The following HIRA variants were observed in gnomAD, a reference collection of about 807,000 sequenced individuals.
The protein encoded by HIRA is histone cell cycle regulator.
Under a neutral mutation model 126.6 loss-of-function variants are expected in HIRA, and 13 were observed. The ratio of observed to expected loss-of-function variants is 0.10; its 90% CI spans 0.07 to 0.16. The LOEUF is 0.16. Among genes scored for constraint, HIRA ranks in the 10% least tolerant of loss-of-function variants. HIRA has a pLI of 1.00. For missense variants in HIRA, 834 were observed against 1,314.4 expected, an observed-to-expected ratio of 0.63 and a Z score of 5.65; for synonymous variants, 511 against 520.0, an observed-to-expected ratio of 0.98 and a Z score of 0.24.
intron 1 of HIRA, among the ~76,000 whole-genome samples, chr22:19,413,620 T>TATTTATTC (rs2089371736): frequency 6.6e-6 from 1 of 151,062 alleles, no homozygotes; most frequent in African/African-American, 2.4e-5. Context: ...TTTATTTATT[T>TATTTATTC]ATTTATTTAT....
chr22:19,430,995 G>A lies in HIRA; in HGVS notation c.37+445C>T, dbSNP rs531123405. ...TGGGGGCACTGTCCCCAGATCCAGA[G>A]GGGCAGTAACAGTCCCTCTTGCAGA... On this transcript the variant is annotated intron_variant, in intron 1 of 24. Coordinates refer to ENST00000263208, the MANE Select transcript of HIRA (RefSeq NM_003325.4). Among the ~76,000 whole-genome samples, 9 of 152,308 alleles carry A rather than the reference G, an allele frequency of 5.9e-5. No homozygotes were observed. The South Asian group carries it at 1.4e-3, about 25-fold the overall frequency.
In HIRA at chr22:19,331,181, C is replaced by G; in HGVS notation, c.*259G>C. The G allele has an allele frequency of 7.1e-7, 1 of 1,403,852 alleles. No individual in the cohort carries two copies. Among genetic ancestry groups the G allele is most frequent in the East Asian group, 3.4e-5 (1 of 29,016 alleles). The allele number at this position is 1,403,852 out of a possible 1,614,324, so 87.0% of individuals were successfully genotyped here. A position where few individuals can be genotyped will look rare whatever the true frequency, so the allele number is the denominator to read the frequency against. On this transcript the variant is annotated 3_prime_UTR_variant, in exon 25 of 25. Coordinates refer to ENST00000263208, the MANE Select transcript of HIRA (RefSeq NM_003325.4). ...TGGGACTGCCTTGCTGGCCCCAGGG[C>G]ACCTGGGCAGAGCTCCAGCCCTAGC...
chr22:19,371,038 T>A lies in HIRA; in HGVS notation c.1775+4593A>T, dbSNP rs549323455. On this transcript the variant is annotated intron_variant, in intron 15 of 24. Coordinates refer to ENST00000263208, the MANE Select transcript of HIRA (RefSeq NM_003325.4). ...TTCAGGGTATGCACTACATGAGAGA[T>A]AAGGGCCACAGAAAGCCACAAAGCA... 5.3e-5 allele frequency among the ~76,000 whole-genome samples: 8 copies of A among 152,298 alleles called. No individual in the cohort carries two copies. In the East Asian group the frequency reaches 1.2e-3, roughly 22 times the overall value.
Position 19,331,337 on chromosome 22 carries a change from T to C in HIRA, c.*103A>G. The C allele has an allele frequency of 6.3e-7, 1 of 1,599,240 alleles. No individual in the cohort carries two copies. The highest frequency in any genetic ancestry group is 8.5e-7 in the Non-Finnish European group (1 of 1,178,092). Reference sequence around the variant, plus strand: ...CAGGACAGCACATCTCCTGCCAGTGTCTCCTCCCCCTACAGCCTGGTCAGG... The same window carrying C: ...CAGGACAGCACATCTCCTGCCAGTGCCTCCTCCCCCTACAGCCTGGTCAGG... On this transcript the variant is annotated 3_prime_UTR_variant, in exon 25 of 25. Coordinates refer to ENST00000263208, the MANE Select transcript of HIRA (RefSeq NM_003325.4).
chr22:19,381,627 A>T (rs2089074227), intron 13 of HIRA, among the ~76,000 whole-genome samples: 1 of 152,060 alleles, frequency 6.6e-6, no homozygotes, highest in Non-Finnish European at 1.5e-5. Flanking sequence ...AACAAACCTC[A>T]CTTGGTCATG....
intron 11 of HIRA, among the ~76,000 whole-genome samples, chr22:19,386,558 G>C (rs2089129355): frequency 1.3e-5 from 2 of 152,370 alleles, no homozygotes; most frequent in South Asian, 2.1e-4. Flanking sequence ...TGCAGGGCTT[G>C]AATGTGGCCA....
At chr22:19,348,712 G>A (rs967372332) in intron 24 of HIRA, among the ~76,000 whole-genome samples, 5 of 151,990 alleles carry the variant, frequency 3.3e-5, no homozygotes, top group African/African-American at 9.7e-5. Flanking sequence ...GGCCAGGCTG[G>A]TCTCAAACTC....
chr22:19,387,377 GAA>G (rs757725491), intron 11 of HIRA, among the ~76,000 whole-genome samples: 8 of 152,184 alleles, frequency 5.3e-5, no homozygotes, highest in Non-Finnish European at 1.2e-4. Flanking sequence ...CCATGAAGGT[GAA>G]AGTGACATGA....
chr22:19,431,677 G>A lies in HIRA; in HGVS notation c.-201C>T, dbSNP rs2089541318. ...CCGCCACCCGCGCTCGGCCGCCGCC[G>A]CCGCCACCACAGCCGCATCCCCTGC... On this transcript the variant is annotated 5_prime_UTR_variant, in exon 1 of 25. Coordinates refer to ENST00000263208, the MANE Select transcript of HIRA (RefSeq NM_003325.4). 1 of 444,084 alleles carries A rather than the reference G, an allele frequency of 2.3e-6. No individual in the cohort carries two copies. Among genetic ancestry groups the A allele is most frequent in the Non-Finnish European group, 3.4e-6 (1 of 292,614 alleles). The allele number at this position is 444,084 out of a possible 1,614,324, so 27.5% of individuals were successfully genotyped here.
intron 24 of HIRA, among the ~76,000 whole-genome samples, chr22:19,350,076 C>G (rs781801931): frequency 8.5e-5 from 13 of 152,212 alleles, no homozygotes; most frequent in Non-Finnish European, 1.0e-4. Context: ...AAAGCTTAGC[C>G]TGGCCTTTCT....
At chr22:19,340,308 C>G (rs1424388503) in intron 24 of HIRA, among the ~76,000 whole-genome samples, 1 of 151,830 alleles carries the variant, frequency 6.6e-6, no homozygotes, top group Non-Finnish European at 1.5e-5. Flanking sequence ...AAGCATCTGA[C>G]AAAATCTAGC....
intron 12 of HIRA, among the ~76,000 whole-genome samples, chr22:19,384,292 C>A (rs942264373): frequency 5.0e-5 from 7 of 140,398 alleles, no homozygotes; most frequent in Non-Finnish European, 1.1e-4. Context: ...CCACTGCACT[C>A]CAGCCTGGTG....
Position 19,412,293 on chromosome 22 carries a change from G to A in HIRA, c.38-1515C>T, listed in dbSNP as rs115486398. On this transcript the variant is annotated intron_variant, in intron 1 of 24. Coordinates refer to ENST00000263208, the MANE Select transcript of HIRA (RefSeq NM_003325.4). ...GAATCAAGGTCACAGACACAGGCCT[G>A]GTGAGGTGTTCTATCCCCAAGCTAT... Among the ~76,000 whole-genome samples, 903 of 152,272 alleles carry A rather than the reference G, an allele frequency of 5.9e-3. 9 individuals are homozygous for A. Among genetic ancestry groups the A allele is most frequent in the African/African-American group, 0.021 (855 of 41,542 alleles).
intron 24 of HIRA, among the ~76,000 whole-genome samples, chr22:19,342,153 A>G (rs950020948): frequency 1.3e-5 from 2 of 152,360 alleles, no homozygotes; most frequent in East Asian, 3.9e-4. Context: ...ACATGAATAG[A>G]CAATTCTCAA....
At chr22:19,417,031 C>A (rs982422411) in intron 1 of HIRA, among the ~76,000 whole-genome samples, 15 of 151,724 alleles carry the variant, frequency 9.9e-5, no homozygotes, top group African/African-American at 3.4e-4. Context: ...GAAACCCCAT[C>A]TCTTCTAAAA....
At chr22:19,396,764 C>A in intron 7 of HIRA, 23 bp downstream of exon 7, 2 of 1,611,616 alleles carry the variant, frequency 1.2e-6, no homozygotes, top group Non-Finnish European at 1.7e-6. Flanking sequence ...GGGGGCTCAG[C>A]TCCCTGAGCT....
intron 24 of HIRA, among the ~76,000 whole-genome samples, chr22:19,332,117 T>C (rs553082381): frequency 3.9e-5 from 6 of 152,170 alleles, no homozygotes; most frequent in African/African-American, 9.7e-5. Context: ...GGCACCACAG[T>C]CTGAAACAAG....
At chr22:19,381,900 G>A (rs1027980350) in intron 13 of HIRA, among the ~76,000 whole-genome samples, 5 of 152,082 alleles carry the variant, frequency 3.3e-5, no homozygotes, top group Non-Finnish European at 5.9e-5. Flanking sequence ...ATCTTAGTCC[G>A]GTGGCTTTGG....
At chr22:19,361,408 G>C in intron 16 of HIRA, 67 bp from the exon 17 acceptor site, 1 of 1,395,342 alleles carries the variant, frequency 7.2e-7, no homozygotes, top group Non-Finnish European at 1.0e-6. Context: ...GTAAAGGCAG[G>C]TCACCCAGAA....
Sources: gnomAD v4.1 joint callset for allele counts (sites outside exome capture counted in the v4.1 genomes callset) on GRCh38, gnomAD v4.1.1 for gene constraint, MANE v1.5 for transcripts, NCBI Gene and HGNC (gene_info 2026-07-23, HGNC 2026-07-21) for gene names.